Variants in WDR90 observed in about 807,000 individuals in gnomAD.
WDR90 encodes WD repeat domain 90.
Under a neutral mutation model 195.2 loss-of-function variants are expected in WDR90, and 238 were observed. That is an observed-to-expected ratio of 1.22 (90% CI 1.10 to 1.36). WDR90 has a LOEUF of 1.36. WDR90 is among the 40% of genes most tolerant of loss of function. The probability of loss-of-function intolerance (pLI) is 0.00; values close to 1 mark genes in which losing one functional copy is unlikely to be tolerated. For synonymous variants in WDR90, 1,265 were observed against 1,052.4 expected, an observed-to-expected ratio of 1.20 and a Z score of -3.91; for missense variants, 2,734 against 2,439.5, an observed-to-expected ratio of 1.12 and a Z score of -2.54.
chr16:661,189 C>CCCT lies in WDR90; in HGVS notation c.3513+25_3513+27dup, dbSNP rs756842001. The CCCT allele has an allele frequency of 3.9e-6, 6 of 1,528,952 alleles. No individual in the cohort carries two copies. Among genetic ancestry groups the CCCT allele is most frequent in the Admixed American group, 3.9e-5 (2 of 51,646 alleles). 94.7% of individuals were successfully genotyped at this position (1,528,952 alleles called of 1,614,324 possible). ...AGTGCCCAGGTGCCCGCCTGCATCG[C>CCCT]CCTCCTCCTCTCCCAGGGCCACCGT... On this transcript the variant is annotated intron_variant, in intron 29 of 40. Transcript: ENST00000293879.
Position 661,051 on chromosome 16 carries a change from G to A in WDR90, c.3392G>A (p.Gly1131Asp). Residue 1131 changes from glycine (G) to aspartate (D), a missense_variant and splice_region_variant, in exon 29 of 41, where the codon GGC becomes GAC. Physicochemically the swap from Gly to Asp is moderately conservative, Grantham distance 94. Transcript: ENST00000293879. ...CAGGCCCCGCCCTCTCTGCGCACAGGCTTCTTTGCCTACACGTGCGGCCGC... is the reference window on the plus strand; with the variant it reads ...CAGGCCCCGCCCTCTCTGCGCACAGACTTCTTTGCCTACACGTGCGGCCGC... ...RANMVWRPDT[G>D]FFAYTCGRLV... 1 of 1,288,866 alleles carries A rather than the reference G, an allele frequency of 7.8e-7. No homozygotes were observed. 79.8% of individuals were successfully genotyped at this position (1,288,866 alleles called of 1,614,324 possible). A position where few individuals can be genotyped will look rare whatever the true frequency, so the allele number is the denominator to read the frequency against.
chr16:652,591 A>G (rs1459292483), intron 10 of WDR90, 56 bp downstream of exon 10: 2 of 1,524,608 alleles, frequency 1.3e-6, no homozygotes, highest in South Asian at 2.5e-5. Context: ...TCGAGCGCTG[A>G]GTACAGAACG....
rs916095295 is a variant in WDR90 at position 661,744 on chromosome 16, C to A, written c.3821C>A (p.Thr1274Asn). 2 of 1,610,014 alleles carry A rather than the reference C, an allele frequency of 1.2e-6. No homozygotes were observed. Among genetic ancestry groups the A allele is most frequent in the Admixed American group, 3.4e-5 (2 of 59,604 alleles). The change falls in exon 31 of 41, where the codon ACC (threonine) becomes AAC (asparagine). Residue 1274 changes from threonine to asparagine, a missense_variant. Transcript: ENST00000293879. Reference protein sequence around the residue: ...ELTCVGQGTVTFWLLQQRGAD... With the variant: ...ELTCVGQGTVNFWLLQQRGAD... ...ACCTGTGTGGGCCAGGGCACTGTCACCTTCTGGCTCCTTCAGCAGCGTGGG... is the reference window on the plus strand; with the variant it reads ...ACCTGTGTGGGCCAGGGCACTGTCAACTTCTGGCTCCTTCAGCAGCGTGGG...
At chr16:656,968 G>T in intron 19 of WDR90, 97 bp downstream of exon 19, 1 of 1,555,588 alleles carries the variant, frequency 6.4e-7, no homozygotes, top group South Asian at 1.2e-5. Flanking sequence ...GTGCTGGCTG[G>T]AGCCCCACCC....
chr16:655,003 G>C (rs1452095088), intron 13 of WDR90, 26 bp from the exon 14 acceptor site: 1 of 1,607,204 alleles, frequency 6.2e-7, no homozygotes, highest in South Asian at 1.1e-5. Flanking sequence ...GCCCTGCCGT[G>C]CGGGCTCAGC....
rs778006420 is a variant in WDR90 at position 655,400 on chromosome 16, G to A, written c.1650G>A (p.Ala550=). 1.6e-5 allele frequency: 25 copies of A among 1,594,106 alleles called. No homozygotes were observed. In the Middle Eastern group the frequency reaches 5.0e-4, roughly 32 times the overall value. Residue 550 remains alanine (A), a synonymous_variant, in exon 15 of 41, where the codon GCG becomes GCA. Transcript: ENST00000293879. ...CCGTGGACTTAGGGGAGCACCACGC[G>A]CTGCAGTTCACCGACCTGGCCTTCA... is the stretch of plus-strand genomic sequence containing the variant. ...SCPVDLGEHH[A]LQFTDLAFKQ...
chr16:664,387 AT>A (rs1382908005), intron 34 of WDR90, among the ~76,000 whole-genome samples: 9 of 152,200 alleles, frequency 5.9e-5, no homozygotes, highest in Non-Finnish European at 1.3e-4. Context: ...CAAGCCAGTC[AT>A]CCCTCTTGAT....
In WDR90 at chr16:649,789, T is replaced by C. The variant is rs1293018945; in HGVS notation, c.37T>C (p.Phe13Leu). 1 of 1,572,662 alleles carries C rather than the reference T, an allele frequency of 6.4e-7. No individual in the cohort carries two copies. Among genetic ancestry groups the C allele is most frequent in the Admixed American group, 1.9e-5 (1 of 53,932 alleles). ...RAWQHPFLNVFRHFRVDEWKR... is the reference protein window; with the variant it reads ...RAWQHPFLNVLRHFRVDEWKR... ...GTGGCAGCACCCGTTCCTCAACGTC[T>C]TCAGACACTTCCGGGTGGACGAGTG... Residue 13 changes from phenylalanine to leucine, a missense_variant, in exon 2 of 41, where the codon TTC (phenylalanine) becomes CTC (leucine). Physicochemically the swap from Phe to Leu is conservative, Grantham distance 22. Transcript: ENST00000293879.
In WDR90 at chr16:651,110, G is replaced by C. The variant is rs367614204; in HGVS notation, c.668+7G>C. Reference sequence around the variant, plus strand: ...ACCGCTACATCCACGTCCGGTGAGTGGTTCTGCTTCTTTCGAGGGAGGCCT... The same window carrying C: ...ACCGCTACATCCACGTCCGGTGAGTCGTTCTGCTTCTTTCGAGGGAGGCCT... On this transcript the variant is annotated splice_region_variant and intron_variant, in intron 6 of 40. Coordinates refer to ENST00000293879, the MANE Select transcript of WDR90 (RefSeq NM_145294.5). 4.3e-6 allele frequency: 7 copies of C among 1,613,388 alleles called. No homozygotes were observed. Among genetic ancestry groups the C allele is most frequent in the Non-Finnish European group, 5.9e-6 (7 of 1,179,942 alleles).
upstream of WDR90, chr16:649,250 T>TGA: frequency 1.3e-6 from 1 of 746,778 alleles, no homozygotes; most frequent in South Asian, 3.8e-5. Context: ...GCCGCTGACG[T>TGA]GAGCGGGGTA....
upstream of WDR90, chr16:649,198 G>A: frequency 4.4e-6 from 2 of 453,846 alleles, no homozygotes; most frequent in Non-Finnish European, 7.2e-6. Context: ...GAGGCCCGCG[G>A]GGCAAAGGGC....
At chr16:650,870 A>G in intron 5 of WDR90, 125 bp from the exon 6 acceptor site, 1 of 1,474,164 alleles carries the variant, frequency 6.8e-7, no homozygotes, top group East Asian at 2.3e-5. Context: ...GTCAGAACCC[A>G]TCCCAGAGGC....
At chr16:661,307 G>T in intron 29 of WDR90, 35 bp from the exon 30 acceptor site, 3 of 1,559,998 alleles carry the variant, frequency 1.9e-6, no homozygotes, top group South Asian at 1.2e-5. Context: ...GCCAGCCACG[G>T]CCTCCCCACT....
chr16:649,989 A>G lies in WDR90; in HGVS notation c.103-2A>G. The G allele has an allele frequency of 6.2e-7, 1 of 1,612,074 alleles. No individual in the cohort carries two copies. Among genetic ancestry groups the G allele is most frequent in the Non-Finnish European group, 8.5e-7 (1 of 1,179,524 alleles). ...CGGTGATGCGGGCTCCCGCTTCTCC[A>G]GGACAAGACCCTGAAGGGCGCCGTG... On this transcript the variant is annotated splice_acceptor_variant, in intron 2 of 40. Transcript: ENST00000293879. LOFTEE classifies it high-confidence loss of function.
In WDR90 at chr16:652,475, C is replaced by T. The variant is rs1439971548; in HGVS notation, c.1062C>T (p.Leu354=). The change falls in exon 10 of 41, where the codon CTC becomes CTT. Residue 354 remains leucine, a synonymous_variant. Coordinates refer to ENST00000293879, the MANE Select transcript of WDR90 (RefSeq NM_145294.5). ...GCGAATGGCTGTTTCAGGGCTTCCT[C>T]CCAGACCCAGTCCTGAGGCTCAAGG... The part of the protein sequence containing the change: ...VARTGSCEGF[L]PDPVLRLKGV... 2 of 1,608,774 alleles carry T rather than the reference C, an allele frequency of 1.2e-6. No individual in the cohort carries two copies. Among genetic ancestry groups the T allele is most frequent in the East Asian group, 4.5e-5 (2 of 44,762 alleles).
rs2038097963 is a variant in WDR90 at position 667,043 on chromosome 16, T to G, written c.5089+54T>G. 3 of 1,523,804 alleles carry G rather than the reference T, an allele frequency of 2.0e-6. No homozygotes were observed. In the African/African-American group the frequency reaches 4.1e-5, roughly 21 times the overall value. The allele number at this position is 1,523,804 out of a possible 1,614,324, so 94.4% of individuals were successfully genotyped here. A position where few individuals can be genotyped will look rare whatever the true frequency, so the allele number is the denominator to read the frequency against. On this transcript the variant is annotated intron_variant, in intron 40 of 40. Transcript: ENST00000293879. ...TGTCTTAGGTGGGGGCCAAGTGGGC[T>G]GACTGGTGCCCTGTTCCAAGACAGG...
Position 666,902 on chromosome 16 carries a change from C to T in WDR90, c.5005-3C>T. 6.2e-7 allele frequency: 1 copy of T among 1,613,172 alleles called. No homozygotes were observed. Among genetic ancestry groups the T allele is most frequent in the Non-Finnish European group, 8.5e-7 (1 of 1,179,936 alleles). Reference sequence around the variant, plus strand: ...CCTGGAGCCTCACGCTGGCTGCTCACAGGTGGTGGAGAAGATACCACTGCC... The same window carrying T: ...CCTGGAGCCTCACGCTGGCTGCTCATAGGTGGTGGAGAAGATACCACTGCC... On this transcript the variant is annotated splice_region_variant and splice_polypyrimidine_tract_variant and intron_variant, in intron 39 of 40. Coordinates refer to ENST00000293879, the MANE Select transcript of WDR90 (RefSeq NM_145294.5).
In WDR90 at chr16:661,434, T is replaced by C. The variant is rs1395557579; in HGVS notation, c.3606T>C (p.Ile1202=). 6.2e-7 allele frequency: 1 copy of C among 1,612,314 alleles called. No homozygotes were observed. Among genetic ancestry groups the C allele is most frequent in the African/African-American group, 1.3e-5 (1 of 74,864 alleles). Residue 1202 remains isoleucine (I), a synonymous_variant, in exon 30 of 41, where the codon ATT becomes ATC. Transcript: ENST00000293879. ...DVSGGLCQHL[I]FPHSTTVLAL... ...CTGGCGGCCTCTGCCAGCATCTCATTTTCCCCCATAGCACCACCGTGCTGG... is the reference window on the plus strand; with the variant it reads ...CTGGCGGCCTCTGCCAGCATCTCATCTTCCCCCATAGCACCACCGTGCTGG...
At chr16:653,478 C>G in intron 11 of WDR90, 27 bp downstream of exon 11, 1 of 1,612,534 alleles carries the variant, frequency 6.2e-7, no homozygotes, top group Non-Finnish European at 8.5e-7. Context: ...CCTGGGGCAG[C>G]TCACACCTGC....
Sources: gnomAD v4.1 joint callset for allele counts (sites outside exome capture counted in the v4.1 genomes callset) on GRCh38, gnomAD v4.1.1 for gene constraint, MANE v1.5 for transcripts, NCBI Gene and HGNC (gene_info 2026-07-23, HGNC 2026-07-21) for gene names.